Variants in SOX6 observed in about 807,000 individuals in gnomAD.
The protein encoded by SOX6 is SRY-box transcription factor 6.
SOX6 carries 11 observed loss-of-function variants against 97.8 expected under a neutral mutation model. That is an observed-to-expected ratio of 0.11 (90% CI 0.07 to 0.19). The LOEUF is 0.19. Ranked by LOEUF, SOX6 falls within the 10% of genes least tolerant of loss-of-function variation. The pLI, the probability that SOX6 is intolerant of heterozygous loss-of-function variation, is 1.00. For missense variants in SOX6, 810 were observed against 1,039.5 expected (o/e 0.78, Z 3.04); for synonymous variants, 360 against 371.4 (o/e 0.97, Z 0.35).
intron 3 of SOX6, chr11:16,316,423 T>A (rs959225150): frequency 1.3e-5 from 2 of 151,538 alleles, no homozygotes; most frequent in East Asian, 1.9e-4. Context: ...GAATTTCTGA[T>A]GTCTAAAACA....
chr11:16,393,509 A>G (rs1350613129), intron 1 of SOX6, among the ~76,000 whole-genome samples: 1 of 152,076 alleles, frequency 6.6e-6, no homozygotes, highest in Non-Finnish European at 1.5e-5. Context: ...GCACTAACCC[A>G]TCTTCAGCTC....
intron 3 of SOX6, among the ~76,000 whole-genome samples, chr11:16,691,098 T>C (rs1224816317): frequency 6.6e-6 from 1 of 152,216 alleles, no homozygotes; most frequent in South Asian, 2.1e-4. Context: ...AAACTCAAAA[T>C]TGAGGATCAT....
At chr11:16,051,207 A>C (rs566682865) in intron 10 of SOX6, among the ~76,000 whole-genome samples, 1 of 152,298 alleles carries the variant, frequency 6.6e-6, no homozygotes, top group East Asian at 1.9e-4. Context: ...TACCAAGCAC[A>C]TACTAAGCAT....
intron 3 of SOX6, chr11:16,313,731 A>G (rs1855676949): frequency 6.6e-6 from 1 of 151,760 alleles, no homozygotes; most frequent in African/African-American, 2.4e-5. Context: ...AAGATACCAA[A>G]CTCAGAATAA....
chr11:16,546,976 C>T (rs1311931438), intron 4 of SOX6, among the ~76,000 whole-genome samples: 1 of 152,068 alleles, frequency 6.6e-6, no homozygotes, highest in African/African-American at 2.4e-5. Flanking sequence ...CAAAAGAAGA[C>T]ATACAAATGG....
intron 2 of SOX6, among the ~76,000 whole-genome samples, chr11:16,333,637 A>G (rs938015639): frequency 2.6e-5 from 4 of 152,144 alleles, no homozygotes; most frequent in African/African-American, 9.6e-5. Flanking sequence ...ATTTGAATCC[A>G]TTAAGAAAGA....
rs896864338 is a variant in SOX6 at position 15,968,143 on chromosome 11, G to A, written c.*4666C>T. The A allele has an allele frequency of 6.6e-6, 1 of 152,198 alleles. No individual in the cohort carries two copies. Among genetic ancestry groups the A allele is most frequent in the African/African-American group, 2.4e-5 (1 of 41,450 alleles). 9.4% of individuals were successfully genotyped at this position (152,198 alleles called of 1,614,324 possible). On this transcript the variant is annotated 3_prime_UTR_variant, in exon 16 of 16. Transcript: ENST00000683767. Reference sequence around the variant, plus strand: ...ATTAGGGAAGAAAACATGTCAGGGAGCAGATGACTTAAGGAAATGATGCAA... The same window carrying A: ...ATTAGGGAAGAAAACATGTCAGGGAACAGATGACTTAAGGAAATGATGCAA...
chr11:16,527,254 C>A (rs1744726538), intron 4 of SOX6, among the ~76,000 whole-genome samples: 1 of 152,126 alleles, frequency 6.6e-6, no homozygotes, highest in African/African-American at 2.4e-5. Context: ...TGGAAACTGA[C>A]AGCTTCATGA....
intron 2 of SOX6, among the ~76,000 whole-genome samples, chr11:16,734,196 C>T (rs1386965879): frequency 6.6e-6 from 1 of 152,054 alleles, no homozygotes; most frequent in Admixed American, 6.6e-5. Context: ...CACAGTAGCA[C>T]TCTGACAAAT....
chr11:16,112,434 T>C (rs143869790), intron 6 of SOX6, among the ~76,000 whole-genome samples: 58 of 152,328 alleles, frequency 3.8e-4, no homozygotes, highest in Non-Finnish European at 6.8e-4. Context: ...GTTAAACATA[T>C]AGCTCTTCAG....
intron 1 of SOX6, among the ~76,000 whole-genome samples, chr11:16,438,750 C>G (rs758836826): frequency 6.6e-6 from 1 of 151,838 alleles, no homozygotes; most frequent in Non-Finnish European, 1.5e-5. Context: ...CAGCAGATTT[C>G]CCTTCCTTCC....
intron 3 of SOX6, among the ~76,000 whole-genome samples, chr11:16,263,003 C>T (rs1269975259): frequency 6.6e-6 from 1 of 151,828 alleles, no homozygotes; most frequent in Non-Finnish European, 1.5e-5. Context: ...AGTTATCCAC[C>T]GCCAGATGAT....
chr11:16,282,190 A>G (rs1450820277), intron 3 of SOX6, among the ~76,000 whole-genome samples: 1 of 151,046 alleles, frequency 6.6e-6, no homozygotes, highest in East Asian at 1.9e-4. Flanking sequence ...AACTCAAATA[A>G]AATGCCTTAT....
At chr11:16,226,937 C>T (rs1852706226) in intron 4 of SOX6, among the ~76,000 whole-genome samples, 1 of 152,098 alleles carries the variant, frequency 6.6e-6, no homozygotes, top group Non-Finnish European at 1.5e-5. Flanking sequence ...CTGCAGAATT[C>T]AAAGTCTTTA....
chr11:16,024,190 A>G (rs535110427), intron 12 of SOX6, among the ~76,000 whole-genome samples: 1 of 152,248 alleles, frequency 6.6e-6, no homozygotes, highest in East Asian at 1.9e-4. Context: ...GCCTCTATCT[A>G]CAAGCCAAAG....
intron 4 of SOX6, among the ~76,000 whole-genome samples, chr11:16,491,340 A>G (rs560317047): frequency 1.3e-5 from 2 of 152,318 alleles, no homozygotes; most frequent in South Asian, 4.1e-4. Flanking sequence ...GCAAGGCCTC[A>G]TTGCAATAAA....
At chr11:16,724,187 C>A (rs1848288653) in intron 2 of SOX6, among the ~76,000 whole-genome samples, 1 of 152,032 alleles carries the variant, frequency 6.6e-6, no homozygotes. Context: ...CCCAAATTTG[C>A]AGAAAATTAT....
intron 2 of SOX6, among the ~76,000 whole-genome samples, chr11:16,331,173 A>T (rs1333294427): frequency 2.6e-5 from 4 of 152,214 alleles, no homozygotes; most frequent in African/African-American, 9.6e-5. Context: ...CCTTTGAGTG[A>T]CACCCATACT....
At chr11:16,428,127 T>G (rs1298579351) in intron 1 of SOX6, among the ~76,000 whole-genome samples, 1 of 152,162 alleles carries the variant, frequency 6.6e-6, no homozygotes, top group African/African-American at 2.4e-5. Context: ...ATAAATGTCT[T>G]CTTTTGAGAA....
Sources: allele counts gnomAD v4.1 joint callset (sites outside exome capture counted in the v4.1 genomes callset), GRCh38; gene constraint gnomAD v4.1.1; transcripts MANE v1.5; gene names NCBI Gene and HGNC (gene_info 2026-07-23, HGNC 2026-07-21).